HDX: variants seen among roughly 807,000 people sequenced by gnomAD.
HDX encodes chromosome X open reading frame 43.
HDX carries 19 observed loss-of-function variants against 45.2 expected under a neutral mutation model. The ratio of observed to expected loss-of-function variants is 0.42; its 90% confidence interval spans 0.29 to 0.62. The LOEUF is 0.62. HDX is among the 20% of genes least tolerant of loss of function. The pLI, the probability that HDX is intolerant of heterozygous loss-of-function variation, is 0.20. For synonymous variants in HDX, 188 were observed against 172.8 expected, an observed-to-expected ratio of 1.09 and a Z score of -0.69; for missense variants, 532 against 493.9, an observed-to-expected ratio of 1.08 and a Z score of -0.73.
chrX:84,456,572 C>T (rs1395890580), intron 4 of HDX, among the ~76,000 whole-genome samples: 1 of 111,201 alleles, frequency 9.0e-6, no homozygotes, highest in African/African-American at 3.3e-5. Flanking sequence ...ACTCTCTAAT[C>T]AACAGACATA....
At position 84,333,741 on chromosome X, in the gene HDX, T is replaced by C; in HGVS notation, c.1824+18A>G. On this transcript the variant is annotated intron_variant, in intron 9 of 10. Coordinates refer to ENST00000373177, the MANE Select transcript of HDX (RefSeq NM_001177479.2). ...TTAATACCTTCTCTTAATAAATTCA[T>C]AATTTAAAATTACCTACCTTATAAT... 1.4e-6 allele frequency: 1 copy of C among 716,823 alleles called. No individual in the cohort carries two copies. The highest frequency in any genetic ancestry group is 2.2e-6 in the Non-Finnish European group (1 of 463,211). The allele number at this position is 716,823 out of a possible 1,213,427, so 59.1% of individuals were successfully genotyped here. A position where few individuals can be genotyped will look rare whatever the true frequency, so the allele number is the denominator to read the frequency against.
chrX:84,321,235 G>C lies in HDX; in HGVS notation c.*654C>G, dbSNP rs2036591315. On this transcript the variant is annotated 3_prime_UTR_variant, in exon 11 of 11. Transcript: ENST00000373177. Reference sequence around the variant, plus strand: ...CACTTCGTAATTTATTTGACGTTATGTTGGTTAAATTACCTTTCCATTGTG... The same window carrying C: ...CACTTCGTAATTTATTTGACGTTATCTTGGTTAAATTACCTTTCCATTGTG... 1 of 110,352 alleles carries C rather than the reference G, an allele frequency of 9.1e-6. No homozygotes were observed. Among genetic ancestry groups the C allele is most frequent in the African/African-American group, 3.3e-5 (1 of 30,588 alleles). 9.1% of individuals were successfully genotyped at this position (110,352 alleles called of 1,213,427 possible).
rs1474228352 is a variant in HDX, at chrX:84,319,826, C to T, written c.*2063G>A. ...TGATGTTTACAGCTTGCTGAGAAAT[C>T]CAATGTCCAGCACAGTGTCTTCTCT... On this transcript the variant is annotated 3_prime_UTR_variant, in exon 11 of 11. Transcript: ENST00000373177. 2 of 111,022 alleles carry T rather than the reference C, an allele frequency of 1.8e-5. No individual in the cohort carries two copies. Among genetic ancestry groups the T allele is most frequent in the Non-Finnish European group, 3.8e-5 (2 of 52,450 alleles). The allele number at this position is 111,022 out of a possible 1,213,427, so 9.1% of individuals were successfully genotyped here.
chrX:84,378,940 G>C (rs1249280838), intron 5 of HDX, among the ~76,000 whole-genome samples: 1 of 110,424 alleles, frequency 9.1e-6, no homozygotes, highest in Non-Finnish European at 1.9e-5. Flanking sequence ...GACACATATA[G>C]ACTGAAAATA....
intron 5 of HDX, among the ~76,000 whole-genome samples, chrX:84,433,444 T>C (rs927172820): frequency 1.5e-4 from 17 of 111,835 alleles, no homozygotes; most frequent in African/African-American, 5.5e-4. Flanking sequence ...ATAGAAGGCT[T>C]TCTTCTCCCA....
chrX:84,326,244 A>G lies in HDX; in HGVS notation c.1881T>C (p.Phe627=). The G allele has an allele frequency of 8.4e-7, 1 of 1,197,066 alleles. No individual in the cohort carries two copies. The part of the protein sequence containing the change: ...NELEIQKQKY[F]KLQTFVRSLI... ...AGCTTCTAACAAAAGTCTGAAGTTTAAAGTATTTTTGCTTTTGAATCTCGA... is the reference window on the plus strand; with the variant it reads ...AGCTTCTAACAAAAGTCTGAAGTTTGAAGTATTTTTGCTTTTGAATCTCGA... The change falls in exon 10 of 11, where the codon TTT becomes TTC. Residue 627 remains phenylalanine, a synonymous_variant. Coordinates refer to ENST00000373177, the MANE Select transcript of HDX (RefSeq NM_001177479.2).
At chrX:84,427,683 C>T (rs1418383056) in intron 5 of HDX, among the ~76,000 whole-genome samples, 1 of 110,860 alleles carries the variant, frequency 9.0e-6, no homozygotes, top group East Asian at 2.8e-4. Flanking sequence ...TAGAAATGCA[C>T]AATTTGTTCA....
chrX:84,480,756 A>G (rs1313375835), intron 2 of HDX, among the ~76,000 whole-genome samples: 1 of 110,813 alleles, frequency 9.0e-6, no homozygotes, highest in Non-Finnish European at 1.9e-5. Context: ...ATAATTTATT[A>G]AATTTTTAAA....
chrX:84,494,012 A>T lies in HDX; in HGVS notation c.-109-5880T>A, dbSNP rs7886635. 6.2e-3 allele frequency among the ~76,000 whole-genome samples: 685 copies of T among 111,059 alleles called. 5 individuals are homozygous for T. The highest frequency in any genetic ancestry group is 0.021 in the African/African-American group (633 of 30,643). ...CTATGTACCCACAAAATTTAAGAAT[A>T]AAAAAATTAAAAATACTAAAAAAAA... On this transcript the variant is annotated intron_variant, in intron 1 of 10. Transcript: ENST00000373177.
intron 5 of HDX, among the ~76,000 whole-genome samples, chrX:84,417,342 A>G (rs1467107619): frequency 8.9e-6 from 1 of 111,919 alleles, no homozygotes; most frequent in Non-Finnish European, 1.9e-5. Flanking sequence ...CAGAATTCAG[A>G]TAAGAAGTTG....
At chrX:84,429,977 GTTA>G (rs1051537193) in intron 5 of HDX, among the ~76,000 whole-genome samples, 5 of 110,674 alleles carry the variant, frequency 4.5e-5, no homozygotes, top group East Asian at 5.6e-4. Flanking sequence ...TCAGATCAGT[GTTA>G]TTATCATATC....
At chrX:84,472,210 T>G in intron 3 of HDX, among the ~76,000 whole-genome samples, 1 of 111,376 alleles carries the variant, frequency 9.0e-6, no homozygotes, top group East Asian at 2.8e-4. Flanking sequence ...ATTTATGGCT[T>G]ACTTATAAAG....
intron 5 of HDX, among the ~76,000 whole-genome samples, chrX:84,384,687 T>TTGAG (rs1173474281): frequency 9.0e-6 from 1 of 111,074 alleles, no homozygotes; most frequent in Non-Finnish European, 1.9e-5. Flanking sequence ...TTAATACATC[T>TTGAG]TGAGTTAATT....
intron 6 of HDX, 83 bp from the exon 7 acceptor site, chrX:84,344,540 G>T: frequency 1.7e-6 from 1 of 595,127 alleles, no homozygotes; most frequent in Non-Finnish European, 2.7e-6. Context: ...AATGAATGCT[G>T]CATAAAATAT....
chrX:84,401,686 C>T (rs1335038613), intron 5 of HDX, among the ~76,000 whole-genome samples: 2 of 111,762 alleles, frequency 1.8e-5, no homozygotes, highest in African/African-American at 6.5e-5. Flanking sequence ...TATCATTAGG[C>T]CCAGCAATCC....
In HDX at chrX:84,402,821, T is replaced by C. The variant is rs778693655; in HGVS notation, c.1305+37711A>G. 8.1e-5 allele frequency among the ~76,000 whole-genome samples: 9 copies of C among 111,292 alleles called. No homozygotes were observed. The South Asian group carries it at 3.0e-3, about 37-fold the overall frequency. On this transcript the variant is annotated intron_variant, in intron 5 of 10. Coordinates refer to ENST00000373177, the MANE Select transcript of HDX (RefSeq NM_001177479.2). ...GTGCAATAAATGTGAATTACTATTG[T>C]TCCTCATCAATAATTGGAATTTTTA...
At chrX:84,464,205 C>T (rs1409547607) in intron 4 of HDX, among the ~76,000 whole-genome samples, 2 of 111,490 alleles carry the variant, frequency 1.8e-5, no homozygotes, top group African/African-American at 6.5e-5. Context: ...ACATTCCATG[C>T]TCATGGAAAG....
At chrX:84,501,237 T>C (rs1228595714) in intron 1 of HDX, among the ~76,000 whole-genome samples, 3 of 111,758 alleles carry the variant, frequency 2.7e-5, no homozygotes, top group Non-Finnish European at 5.6e-5. Context: ...AAAGCCTTAA[T>C]ATAAGTAATA....
chrX:84,481,564 T>A (rs757675925), intron 2 of HDX, among the ~76,000 whole-genome samples: 8 of 111,528 alleles, frequency 7.2e-5, no homozygotes, highest in East Asian at 2.8e-4. Flanking sequence ...TTAACCTCGT[T>A]TTCTGCCTTC....
Sources: allele counts gnomAD v4.1 joint callset (sites outside exome capture counted in the v4.1 genomes callset), GRCh38; gene constraint gnomAD v4.1.1; transcripts MANE v1.5; gene names NCBI Gene and HGNC (gene_info 2026-07-23, HGNC 2026-07-21).